Variants in IGF2BP2 observed in about 807,000 individuals in gnomAD.
IGF2BP2 encodes insulin-like growth factor 2 mRNA-binding protein 2.
IGF2BP2 carries 17 observed loss-of-function variants against 75.8 expected under a neutral mutation model. The observed-to-expected ratio is 0.22, with a 90% CI of 0.15 to 0.34. IGF2BP2 has a LOEUF of 0.34. Ranked by LOEUF, IGF2BP2 falls within the 10% of genes least tolerant of loss-of-function variation. The probability of loss-of-function intolerance (pLI) is 1.00; values close to 1 mark genes in which losing one functional copy is unlikely to be tolerated. For synonymous variants in IGF2BP2, 288 were observed against 295.6 expected (o/e 0.97, Z 0.26); for missense variants, 516 against 772.4 (o/e 0.67, Z 3.93).
At chr3:185,781,877 G>A (rs1735247774) in intron 2 of IGF2BP2, among the ~76,000 whole-genome samples, 1 of 152,054 alleles carries the variant, frequency 6.6e-6, no homozygotes, top group African/African-American at 2.4e-5. Flanking sequence ...AAGGCTCTTT[G>A]AATAGTTCTA....
intron 2 of IGF2BP2, among the ~76,000 whole-genome samples, chr3:185,802,679 C>T (rs1052476183): frequency 1.3e-5 from 2 of 152,196 alleles, no homozygotes; most frequent in Admixed American, 1.3e-4. Flanking sequence ...AAACCCAATG[C>T]AGCATTACCA....
chr3:185,684,643 G>A (rs1419185648), intron 7 of IGF2BP2, among the ~76,000 whole-genome samples: 1 of 152,198 alleles, frequency 6.6e-6, no homozygotes, highest in Admixed American at 6.5e-5. Flanking sequence ...CTGGCCTCAA[G>A]TGATCCGCCC....
Position 185,672,606 on chromosome 3 carries a change from A to G in IGF2BP2, c.1135T>C (p.Ser379Pro). Residue 379 changes from serine (S) to proline (P), a missense_variant, in exon 10 of 16, where the codon TCC becomes CCC. This residue lies in a region of IGF2BP2 where 75 missense variants were observed against 67.4 expected (regional missense o/e 1.11). Transcript: ENST00000382199. ...GGCCCTGCTGGTGGAGATAGCACGG[A>G]CAGTCCTGTTGAAAAGATGCCAAGT... ...SALGIFSTGL[S>P]VLSPPAGPRG... 6.2e-7 allele frequency: 1 copy of G among 1,613,888 alleles called. No homozygotes were observed. Among genetic ancestry groups the G allele is most frequent in the South Asian group, 1.1e-5 (1 of 91,056 alleles).
At chr3:185,667,702 AATTT>A (rs1353348907) in intron 10 of IGF2BP2, among the ~76,000 whole-genome samples, 1 of 152,222 alleles carries the variant, frequency 6.6e-6, no homozygotes, top group East Asian at 1.9e-4. Flanking sequence ...AGTCTTAGAG[AATTT>A]ACTTACAGAT....
chr3:185,733,607 C>T (rs1286440212), intron 2 of IGF2BP2, among the ~76,000 whole-genome samples: 8 of 152,024 alleles, frequency 5.3e-5, no homozygotes, highest in African/African-American at 1.7e-4. Context: ...AAATACAAAA[C>T]TAGCTGGGTG....
intron 2 of IGF2BP2, chr3:185,717,879 T>G (rs1471132390): frequency 6.6e-6 from 1 of 152,160 alleles, no homozygotes; most frequent in African/African-American, 2.4e-5. Flanking sequence ...AGTCTTGGGA[T>G]GCGGAGAAGG....
At chr3:185,818,090 T>G (rs1740842074) in intron 2 of IGF2BP2, among the ~76,000 whole-genome samples, 1 of 152,210 alleles carries the variant, frequency 6.6e-6, no homozygotes, top group African/African-American at 2.4e-5. Context: ...AAGAAACTAT[T>G]TCAATATAAC....
Position 185,652,132 on chromosome 3 carries a change from T to A in IGF2BP2, c.1423A>T (p.Met475Leu). 1 of 1,613,072 alleles carries A rather than the reference T, an allele frequency of 6.2e-7. No homozygotes were observed. Among genetic ancestry groups the A allele is most frequent in the Non-Finnish European group, 8.5e-7 (1 of 1,179,338 alleles). ...PAEGPDVSER[M>L]VIITGPPEAQ... ...TCCGGTGGCCCGGTGATGATGACCA[T>A]CCTTTCGCTGACGTCTGGGCCTTCC... Residue 475 changes from methionine (M) to leucine (L), a missense_variant, in exon 13 of 16, where the codon ATG becomes TTG. By Grantham distance (15) the Met-to-Leu change is conservative. Around this residue, in one of 3 missense-constraint regions of IGF2BP2, gnomAD observed 129 missense variants for 230.5 expected, o/e 0.56. Coordinates refer to ENST00000382199, the MANE Select transcript of IGF2BP2 (RefSeq NM_006548.6).
chr3:185,788,710 CTTTTTTTTTTT>C lies in IGF2BP2; in HGVS notation c.239+34432_239+34442del, dbSNP rs1158869748. 9.2e-4 allele frequency among the ~76,000 whole-genome samples: 92 copies of C among 100,244 alleles called. 1 individual carries two copies. The highest frequency in any genetic ancestry group is 3.0e-3 in the African/African-American group (75 of 25,152). 65.8% of individuals were successfully genotyped at this position (100,244 alleles called of 152,430 possible). On this transcript the variant is annotated intron_variant, in intron 2 of 15. Coordinates refer to ENST00000382199, the MANE Select transcript of IGF2BP2 (RefSeq NM_006548.6). Reference sequence around the variant, plus strand: ...TGTAAAGTCCAAAACTGACAAACGACTTTTTTTTTTTTTTTTTTTTTTTTTTTGATAGAGTC... The same window carrying C: ...TGTAAAGTCCAAAACTGACAAACGACTTTTTTTTTTTTTTTTGATAGAGTC...
intron 3 of IGF2BP2, among the ~76,000 whole-genome samples, chr3:185,697,467 T>C (rs944579361): frequency 7.2e-5 from 11 of 152,196 alleles, no homozygotes; most frequent in Admixed American, 5.2e-4. Flanking sequence ...TTGTTTCCTT[T>C]AAGGCACGGT....
intron 13 of IGF2BP2, among the ~76,000 whole-genome samples, chr3:185,650,915 CCTTT>C (rs1010920981): frequency 1.2e-4 from 18 of 152,056 alleles, no homozygotes; most frequent in African/African-American, 4.1e-4. Flanking sequence ...TCACACGTGG[CCTTT>C]ATTTATTTTG....
chr3:185,654,390 T>A (rs1715093297), intron 12 of IGF2BP2, among the ~76,000 whole-genome samples: 1 of 152,308 alleles, frequency 6.6e-6, no homozygotes, highest in East Asian at 1.9e-4. Flanking sequence ...CTGGTCCTTA[T>A]CTCTGAGTAA....
At chr3:185,669,205 G>C (rs980911984) in intron 10 of IGF2BP2, among the ~76,000 whole-genome samples, 1 of 152,092 alleles carries the variant, frequency 6.6e-6, no homozygotes, top group Non-Finnish European at 1.5e-5. Flanking sequence ...TATATACTAT[G>C]TATCAGCATA....
intron 2 of IGF2BP2, among the ~76,000 whole-genome samples, chr3:185,815,626 TCCC>T (rs895395638): frequency 6.6e-6 from 1 of 152,042 alleles, no homozygotes; most frequent in Non-Finnish European, 1.5e-5. Context: ...TCTCTTCCTC[TCCC>T]CCATCTCCTG....
chr3:185,757,286 A>G (rs932142857), intron 2 of IGF2BP2, among the ~76,000 whole-genome samples: 10 of 152,130 alleles, frequency 6.6e-5, no homozygotes, highest in African/African-American at 2.4e-4. Context: ...CATTCATTCA[A>G]AAAGTATTTA....
intron 2 of IGF2BP2, among the ~76,000 whole-genome samples, chr3:185,730,199 CCACT>C (rs756948525): frequency 4.6e-5 from 7 of 152,082 alleles, no homozygotes; most frequent in Non-Finnish European, 1.0e-4. Flanking sequence ...TGCTTAGCTC[CCACT>C]ATGAGTGAGA....
Position 185,696,627 on chromosome 3 carries a change from C to T in IGF2BP2, c.325G>A (p.Glu109Lys). The T allele has an allele frequency of 6.2e-7, 1 of 1,613,848 alleles. No individual in the cohort carries two copies. Among genetic ancestry groups the T allele is most frequent in the Non-Finnish European group, 8.5e-7 (1 of 1,179,876 alleles). Residue 109 changes from glutamate to lysine, a missense_variant, in exon 4 of 16, where the codon GAG becomes AAG. Coordinates refer to ENST00000382199, the MANE Select transcript of IGF2BP2 (RefSeq NM_006548.6). The part of the protein sequence containing the change: ...DGLLAQYGTV[E>K]NVEQVNTDTE... ...CACTTATTACCTTGTTCCACATTCT[C>T]CACTGTCCCATATTGAGCCAAAAGT...
intron 2 of IGF2BP2, among the ~76,000 whole-genome samples, chr3:185,725,500 G>A (rs1182721025): frequency 6.6e-6 from 1 of 152,132 alleles, no homozygotes; most frequent in Non-Finnish European, 1.5e-5. Flanking sequence ...AACTTCAAAT[G>A]ACACCAAGGT....
chr3:185,653,916 A>G (rs1715013729), intron 12 of IGF2BP2, among the ~76,000 whole-genome samples: 1 of 152,124 alleles, frequency 6.6e-6, no homozygotes, highest in Non-Finnish European at 1.5e-5. Flanking sequence ...TGCATGGATC[A>G]CCTCTGGACC....
Sources: allele counts gnomAD v4.1 joint callset (sites outside exome capture counted in the v4.1 genomes callset), GRCh38; gene constraint gnomAD v4.1.1; regional missense constraint gnomAD v4.1.1; transcripts MANE v1.5; gene names NCBI Gene and HGNC (gene_info 2026-07-23, HGNC 2026-07-21).